ABCC11: variants seen among roughly 807,000 people sequenced by gnomAD.
ABCC11 encodes the protein ATP-binding cassette sub-family C member 11.
A neutral mutation model predicts 149.3 loss-of-function variants in ABCC11; 135 were observed. That is an observed-to-expected ratio of 0.90 (90% confidence interval 0.79 to 1.04). ABCC11 has a LOEUF of 1.04. ABCC11 is among the 50% of genes least tolerant of loss of function. The pLI, the probability that ABCC11 is intolerant of heterozygous loss-of-function variation, is 0.00. For missense variants in ABCC11, 1,680 were observed against 1,722.1 expected, an observed-to-expected ratio of 0.98 and a Z score of 0.43; for synonymous variants, 665 against 671.4, an observed-to-expected ratio of 0.99 and a Z score of 0.15.
chr16:48,244,639 CG>C, intron 1 of ABCC11: 1 of 1,340,296 alleles, frequency 7.5e-7, no homozygotes, highest in Non-Finnish European at 9.5e-7. Flanking sequence ...TGGCTGCCCC[CG>C]CGGCGGCGGC....
chr16:48,242,805 A>G (rs991464501), intron 1 of ABCC11, among the ~76,000 whole-genome samples: 63 of 152,258 alleles, frequency 4.1e-4, no homozygotes, highest in African/African-American at 1.5e-3. Context: ...GACCGAAAAC[A>G]AAACACTGCA....
At chr16:48,242,990 T>G (rs1359346591) in intron 1 of ABCC11, among the ~76,000 whole-genome samples, 2 of 151,852 alleles carry the variant, frequency 1.3e-5, no homozygotes, top group Admixed American at 6.6e-5. Flanking sequence ...ACATGGCACA[T>G]GTATACATAT....
intron 2 of ABCC11, among the ~76,000 whole-genome samples, chr16:48,231,618 G>A (rs909129824): frequency 1.3e-5 from 2 of 149,434 alleles, no homozygotes; most frequent in African/African-American, 5.0e-5. Context: ...CTATGATTGT[G>A]CCACTGTACT....
intron 6 of ABCC11, among the ~76,000 whole-genome samples, chr16:48,218,388 G>T (rs556943105): frequency 6.6e-6 from 1 of 152,162 alleles, no homozygotes; most frequent in Admixed American, 6.5e-5. Flanking sequence ...TCATTTACTA[G>T]ATGTGCAACC....
intron 24 of ABCC11, among the ~76,000 whole-genome samples, chr16:48,177,698 G>A (rs1455217529): frequency 6.6e-6 from 1 of 152,214 alleles, no homozygotes; most frequent in Non-Finnish European, 1.5e-5. Context: ...AAAGAACGCT[G>A]GAGAAGAAGT....
chr16:48,165,993 C>A lies in ABCC11; in HGVS notation c.*1281G>T, dbSNP rs930585803. On this transcript the variant is annotated 3_prime_UTR_variant, in exon 30 of 30. Coordinates refer to ENST00000356608, the MANE Select transcript of ABCC11 (RefSeq NM_001370497.1). ...AACAAATTATTTTATTTTCAGTTGT[C>A]ATACGTTGTAAGTTATGCTGCTCTT... Among the ~76,000 whole-genome samples, 1 of 152,162 alleles carries A rather than the reference C, an allele frequency of 6.6e-6. No individual in the cohort carries two copies. Among genetic ancestry groups the A allele is most frequent in the Non-Finnish European group, 1.5e-5 (1 of 68,036 alleles).
Position 48,213,458 on chromosome 16 carries a change from T to A in ABCC11, c.1341A>T (p.Ala447=), listed in dbSNP as rs753599596. The change falls in exon 10 of 30, where the codon GCA becomes GCT. Residue 447 remains alanine (A), a synonymous_variant. Transcript: ENST00000356608. ...GATGACCTACCTTGAACCTCATCAC[T>A]GCAGACTTGGAATTCGTGAGACCTT... ...AVKGLTNSKS[A]VMRFKKFFLQ... 5 of 1,612,610 alleles carry A rather than the reference T, an allele frequency of 3.1e-6. No individual in the cohort carries two copies. Among genetic ancestry groups the A allele is most frequent in the Non-Finnish European group, 4.2e-6 (5 of 1,179,248 alleles).
At chr16:48,226,444 T>C (rs1970080483) in intron 4 of ABCC11, among the ~76,000 whole-genome samples, 1 of 152,044 alleles carries the variant, frequency 6.6e-6, no homozygotes, top group East Asian at 1.9e-4. Flanking sequence ...GCCTGGCTAA[T>C]TTTTTTGTGT....
chr16:48,187,535 G>A, intron 20 of ABCC11, 108 bp from the exon 21 acceptor site: 1 of 917,938 alleles, frequency 1.1e-6, no homozygotes. Flanking sequence ...GATCCCAGGG[G>A]TCTCCAGGGC....
At position 48,176,403 on chromosome 16, in the gene ABCC11, G is replaced by A. The variant is rs527994626; in HGVS notation, c.3538+521C>T. Among the ~76,000 whole-genome samples, 4 of 152,210 alleles carry A rather than the reference G, an allele frequency of 2.6e-5. No homozygotes were observed. In the East Asian group the frequency reaches 5.8e-4, roughly 22 times the overall value. The stretch of plus-strand genomic sequence containing the variant: ...GGAGAGGAAGACAGGGAGAGAAACT[G>A]AGGAGGAGAAAGGAAACTGGGAGAG... On this transcript the variant is annotated intron_variant, in intron 25 of 29. Transcript: ENST00000356608.
chr16:48,227,944 A>T lies in ABCC11; in HGVS notation c.257T>A (p.Leu86Gln). The T allele has an allele frequency of 3.7e-6, 6 of 1,613,470 alleles. No homozygotes were observed. The highest frequency in any genetic ancestry group is 5.1e-6 in the Non-Finnish European group (6 of 1,179,674). The stretch of plus-strand genomic sequence containing the variant: ...GTAGGAGAACAGGCCAGCATTGTCC[A>T]GGGGCTGGGGGGCAGGAAACCTAGT... ...PKPRFPAPQP[L>Q]DNAGLFSYLT... The change falls in exon 4 of 30, where the codon CTG (leucine) becomes CAG (glutamine). Residue 86 changes from leucine to glutamine, a missense_variant. Transcript: ENST00000356608.
intron 3 of ABCC11, among the ~76,000 whole-genome samples, chr16:48,230,066 G>A (rs369738390): frequency 1.3e-5 from 2 of 152,112 alleles, no homozygotes; most frequent in African/African-American, 2.4e-5. Flanking sequence ...CTCAACACTC[G>A]CATACTTCTT....
At chr16:48,210,592 C>A (rs1341122578) in intron 11 of ABCC11, 4 of 215,804 alleles carry the variant, frequency 1.9e-5, no homozygotes, top group East Asian at 1.0e-4. Context: ...ACAGAATAAC[C>A]AAATTCAAAC....
At chr16:48,193,761 T>C (rs1967130449) in intron 19 of ABCC11, 118 bp downstream of exon 19, 1 of 810,602 alleles carries the variant, frequency 1.2e-6, no homozygotes, top group Admixed American at 2.6e-5. Context: ...ACACCAGCTC[T>C]GGGCTTGTCA....
chr16:48,184,483 G>C lies in ABCC11; in HGVS notation c.3215C>G (p.Thr1072Ser). ...AGCCATGACTTTAAAGGAGTAGGGG[G>C]TGGAGGAAATGCCAAAAGCCACGAA... The part of the protein sequence containing the change: ...ALFVAFGISS[T>S]PYSFKVMAVN... The change falls in exon 23 of 30, where the codon ACC becomes AGC. Residue 1072 changes from threonine to serine, a missense_variant. By Grantham distance (58) the Thr-to-Ser change is moderately conservative (BLOSUM62 1). Transcript: ENST00000356608. 6.2e-7 allele frequency: 1 copy of C among 1,614,240 alleles called. No homozygotes were observed. Among genetic ancestry groups the C allele is most frequent in the Middle Eastern group, 1.6e-4 (1 of 6,062 alleles).
chr16:48,167,188 G>C lies in ABCC11; in HGVS notation c.*86C>G. On this transcript the variant is annotated 3_prime_UTR_variant, in exon 30 of 30. Transcript: ENST00000356608. ...AGGAGAAGTTCTCATCTCCAAACAA[G>C]AAGGTCGCAGACTGTGGGCCTCGAA... 1 of 626,802 alleles carries C rather than the reference G, an allele frequency of 1.6e-6. No individual in the cohort carries two copies. Among genetic ancestry groups the C allele is most frequent in the East Asian group, 2.9e-5 (1 of 34,896 alleles). 38.8% of individuals were successfully genotyped at this position (626,802 alleles called of 1,614,324 possible). A position where few individuals can be genotyped will look rare whatever the true frequency, so the allele number is the denominator to read the frequency against.
rs1967032441 is a variant in ABCC11, at chr16:48,192,683, GCCATGGTT to G, written c.2535_2542del (p.Thr846ArgfsTer64). The G allele has an allele frequency of 1.2e-6, 2 of 1,614,114 alleles. No homozygotes were observed. Among genetic ancestry groups the G allele is most frequent in the Admixed American group, 3.3e-5 (2 of 60,008 alleles). ...ATTGTCTGCAATGTTGCCCAGGTCTGCCATGGTTCCATTGCTCTCTCGGCTGCTATTGG... is the reference window on the plus strand; with the variant it reads ...ATTGTCTGCAATGTTGCCCAGGTCTGCCATTGCTCTCTCGGCTGCTATTGG... On this transcript the variant is annotated frameshift_variant, in exon 20 of 30. Coordinates refer to ENST00000356608, the MANE Select transcript of ABCC11 (RefSeq NM_001370497.1). LOFTEE classifies it high-confidence loss of function.
chr16:48,172,421 G>C (rs963287879), intron 26 of ABCC11, among the ~76,000 whole-genome samples: 1 of 146,508 alleles, frequency 6.8e-6, no homozygotes, highest in Admixed American at 6.8e-5. Context: ...GTAATTCTAT[G>C]TTTAACTTTT....
intron 23 of ABCC11, among the ~76,000 whole-genome samples, chr16:48,182,500 C>T (rs369053371): frequency 5.9e-5 from 9 of 152,064 alleles, no homozygotes; most frequent in East Asian, 1.9e-4. Flanking sequence ...TAGTTTGGGG[C>T]GGGGCGCGGT....
Sources: allele counts gnomAD v4.1 joint callset (sites outside exome capture counted in the v4.1 genomes callset), GRCh38; gene constraint gnomAD v4.1.1; transcripts MANE v1.5; gene names NCBI Gene and HGNC (gene_info 2026-07-23, HGNC 2026-07-21).